The following LRMDA variants were observed in gnomAD, a reference collection of about 807,000 sequenced individuals.
LRMDA encodes the protein leucine-rich melanocyte differentiation-associated protein.
A neutral mutation model predicts 29.8 loss-of-function variants in LRMDA; 18 were observed. The observed-to-expected ratio is 0.60, with a 90% CI of 0.42 to 0.90. The LOEUF is 0.90. Among genes scored for constraint, LRMDA ranks in the 40% least tolerant of loss-of-function variants. The probability of loss-of-function intolerance (pLI) is 0.00; values close to 1 mark genes in which losing one functional copy is unlikely to be tolerated. For missense variants in LRMDA, 273 were observed against 273.9 expected, an observed-to-expected ratio of 1.00 and a Z score of 0.02; for synonymous variants, 125 against 109.4, an observed-to-expected ratio of 1.14 and a Z score of -0.89.
chr10:75,891,659 C>T (rs1718096994), intron 2 of LRMDA, among the ~76,000 whole-genome samples: 1 of 152,202 alleles, frequency 6.6e-6, no homozygotes, highest in African/African-American at 2.4e-5. Flanking sequence ...TGATTTTAGA[C>T]TCCTACTGAT....
intron 2 of LRMDA, among the ~76,000 whole-genome samples, chr10:75,462,029 A>T (rs914539754): frequency 6.6e-6 from 1 of 152,250 alleles, no homozygotes; most frequent in African/African-American, 2.4e-5. Context: ...AAGTACGCTA[A>T]CTTGCATTTG....
chr10:75,685,811 A>C (rs778015268), intron 2 of LRMDA, among the ~76,000 whole-genome samples: 1 of 152,230 alleles, frequency 6.6e-6, no homozygotes, highest in East Asian at 1.9e-4. Flanking sequence ...GGATATGGAA[A>C]ACAAAGTAAA....
chr10:75,776,365 C>T (rs576450418), intron 2 of LRMDA, among the ~76,000 whole-genome samples: 1 of 152,344 alleles, frequency 6.6e-6, no homozygotes, highest in South Asian at 2.1e-4. Context: ...CTGATCCACT[C>T]TCAGAAACCA....
chr10:76,288,045 AAT>A (rs1209576979), intron 5 of LRMDA, among the ~76,000 whole-genome samples: 1 of 152,170 alleles, frequency 6.6e-6, no homozygotes, highest in East Asian at 1.9e-4. Context: ...TTAACAATAT[AAT>A]GGCCTTTTAT....
intron 2 of LRMDA, among the ~76,000 whole-genome samples, chr10:75,498,304 C>T (rs994980789): frequency 1.3e-5 from 2 of 152,060 alleles, no homozygotes; most frequent in Admixed American, 6.5e-5. Context: ...TTCTGTATGG[C>T]AGGAAAATGC....
At chr10:75,591,820 G>A (rs1443881707) in intron 2 of LRMDA, among the ~76,000 whole-genome samples, 1 of 152,174 alleles carries the variant, frequency 6.6e-6, no homozygotes, top group Non-Finnish European at 1.5e-5. Flanking sequence ...ATATTGCTCT[G>A]AGTACAACAG....
intron 6 of LRMDA, among the ~76,000 whole-genome samples, chr10:76,405,533 A>G (rs916936568): frequency 2.0e-5 from 3 of 152,146 alleles, no homozygotes; most frequent in African/African-American, 7.2e-5. Flanking sequence ...TTTTAACCCA[A>G]GTAGACAGTT....
chr10:75,537,920 G>A (rs1423034391), intron 2 of LRMDA, among the ~76,000 whole-genome samples: 3 of 152,156 alleles, frequency 2.0e-5, no homozygotes, highest in Non-Finnish European at 4.4e-5. Context: ...TCTACCTCTT[G>A]AAAATCCTAA....
chr10:76,178,320 C>G (rs1388266863), intron 5 of LRMDA, among the ~76,000 whole-genome samples: 1 of 152,164 alleles, frequency 6.6e-6, no homozygotes, highest in African/African-American at 2.4e-5. Context: ...AGAAAGGCTT[C>G]TTGGTGCAAA....
chr10:76,353,141 T>C (rs1841198041), intron 6 of LRMDA, among the ~76,000 whole-genome samples: 1 of 151,790 alleles, frequency 6.6e-6, no homozygotes, highest in Admixed American at 6.6e-5. Context: ...TGAAGAGGAG[T>C]GATTGCTATA....
chr10:75,475,822 G>C (rs1374399479), intron 2 of LRMDA, among the ~76,000 whole-genome samples: 1 of 152,136 alleles, frequency 6.6e-6, no homozygotes, highest in African/African-American at 2.4e-5. Flanking sequence ...AAATGATGGA[G>C]CATGAAATAA....
At chr10:75,779,681 T>A (rs575597755) in intron 2 of LRMDA, among the ~76,000 whole-genome samples, 2 of 152,108 alleles carry the variant, frequency 1.3e-5, no homozygotes, top group East Asian at 3.9e-4. Context: ...ATAGGCCCAG[T>A]GAGGGTTGGT....
intron 6 of LRMDA, among the ~76,000 whole-genome samples, chr10:76,371,762 A>G (rs916812009): frequency 3.9e-5 from 6 of 152,244 alleles, no homozygotes; most frequent in South Asian, 4.1e-4. Context: ...GCCAGGATCA[A>G]ATTTGCTTGG....
chr10:76,220,397 A>G (rs890509979), intron 5 of LRMDA, among the ~76,000 whole-genome samples: 1 of 152,190 alleles, frequency 6.6e-6, no homozygotes, highest in African/African-American at 2.4e-5. Flanking sequence ...AAGAAAAGAG[A>G]GAAGAATCAA....
intron 6 of LRMDA, among the ~76,000 whole-genome samples, chr10:76,467,736 A>C (rs1020158352): frequency 1.3e-5 from 2 of 152,076 alleles, no homozygotes; most frequent in Non-Finnish European, 2.9e-5. Context: ...TCGGTCCTTC[A>C]TGGAGGCTAA....
chr10:76,336,035 T>C (rs986592173), intron 6 of LRMDA, among the ~76,000 whole-genome samples: 4 of 152,112 alleles, frequency 2.6e-5, no homozygotes, highest in Non-Finnish European at 5.9e-5. Flanking sequence ...GAGGGAGGCT[T>C]AGAATTTTAT....
At chr10:76,145,526 C>T (rs979827568) in intron 5 of LRMDA, among the ~76,000 whole-genome samples, 13 of 151,400 alleles carry the variant, frequency 8.6e-5, no homozygotes, top group African/African-American at 2.4e-4. Flanking sequence ...TCTGTGGGAT[C>T]GGTGGTGATA....
rs1315802203 is a variant in LRMDA at position 76,047,171 on chromosome 10, A to G, written c.266A>G (p.Asp89Gly). ...TLTLNKNRIT[D>G]LENLLDHLAE... ...ATTCTTAACCTTTGTCACATCACTG[A>G]TTTGGAGAACCTGCTGGATCACTTG... The change falls in exon 4 of 7, where the codon GAT (aspartate) becomes GGT (glycine). Residue 89 changes from aspartate to glycine, a missense_variant. Physicochemically the swap from Asp to Gly is moderately conservative, Grantham distance 94 (BLOSUM62 -1). Coordinates refer to ENST00000611255, the MANE Select transcript of LRMDA (RefSeq NM_001305581.2). 1.9e-6 allele frequency: 3 copies of G among 1,613,926 alleles called. No homozygotes were observed. The South Asian group carries it at 3.3e-5, about 18-fold the overall frequency.
intron 2 of LRMDA, among the ~76,000 whole-genome samples, chr10:75,828,404 G>A (rs1196909779): frequency 6.6e-6 from 1 of 152,106 alleles, no homozygotes; most frequent in East Asian, 1.9e-4. Flanking sequence ...AAACTAGGAG[G>A]AAAAGAAAAT....
Sources: allele counts gnomAD v4.1 joint callset (sites outside exome capture counted in the v4.1 genomes callset), GRCh38; gene constraint gnomAD v4.1.1; transcripts MANE v1.5; gene names NCBI Gene and HGNC (gene_info 2026-07-23, HGNC 2026-07-21).